Variants in PDK1 observed in about 807,000 individuals in gnomAD.
PDK1 encodes [Pyruvate dehydrogenase (acetyl-transferring)] kinase isozyme 1, mitochondrial.
Under a neutral mutation model 54.2 loss-of-function variants are expected in PDK1, and 39 were observed. That is an observed-to-expected ratio of 0.72 (90% confidence interval 0.56 to 0.94). The LOEUF (loss-of-function observed/expected upper bound fraction) is 0.94. Among genes scored for constraint, PDK1 ranks in the 40% least tolerant of loss-of-function variants. The pLI is 0.00. For synonymous variants in PDK1, 221 were observed against 207.1 expected, an observed-to-expected ratio of 1.07 and a Z score of -0.58; for missense variants, 552 against 566.0, an observed-to-expected ratio of 0.98 and a Z score of 0.25.
upstream of PDK1, chr2:172,555,912 G>A (rs1688284629): frequency 2.8e-6 from 1 of 363,570 alleles, no homozygotes; most frequent in Non-Finnish European, 4.9e-6. Flanking sequence ...GGGAGGCTGG[G>A]CGGGACTCCG....
Position 172,601,737 on chromosome 2 carries a change from AG to A in PDK1, c.*5769del, listed in dbSNP as rs1474777890. 2 of 152,240 alleles carry A rather than the reference AG, an allele frequency of 1.3e-5. No homozygotes were observed. The highest frequency in any genetic ancestry group is 2.4e-5 in the African/African-American group (1 of 41,472). The allele number at this position is 152,240 out of a possible 1,614,324, so 9.4% of individuals were successfully genotyped here. ...TAAAGCCACAGCTGTGGCAGCAACC[AG>A]CTAGTGGGTGTCCCTTGATGGAGGC... On this transcript the variant is annotated 3_prime_UTR_variant, in exon 11 of 11. Transcript: ENST00000282077.
chr2:172,687,076 C>T, the PDK1 span, among the ~76,000 whole-genome samples: 1 of 151,976 alleles, frequency 6.6e-6, no homozygotes, highest in African/African-American at 2.4e-5. Flanking sequence ...TGTTTTGAAA[C>T]AATAATACCC....
Position 172,586,585 on chromosome 2 carries a change from CAG to C in PDK1, c.1056+201_1056+202del, listed in dbSNP as rs558553835. Among the ~76,000 whole-genome samples the C allele has an allele frequency of 2.5e-4, 38 of 151,866 alleles. 1 individual carries two copies. The East Asian group carries it at 6.6e-3, about 26-fold the overall frequency. On this transcript the variant is annotated intron_variant, in intron 9 of 10. Coordinates refer to ENST00000282077, the MANE Select transcript of PDK1 (RefSeq NM_002610.5). ...TTTTCCAACTGAAATGGGCACGAGACAGAGATTTGGAGTTCTTGTTACAAAGT... is the reference window on the plus strand; with the variant it reads ...TTTTCCAACTGAAATGGGCACGAGACAGATTTGGAGTTCTTGTTACAAAGT...
chr2:172,621,216 G>T, the PDK1 span, among the ~76,000 whole-genome samples: 1 of 152,200 alleles, frequency 6.6e-6, no homozygotes, highest in Admixed American at 6.5e-5. Context: ...CTGTGAGAGG[G>T]TGTTGCCAAA....
At chr2:172,612,519 A>C (rs10427189), downstream of PDK1, among the ~76,000 whole-genome samples, 27,051 of 148,336 alleles carry the variant, frequency 0.18, 2,898 homozygotes, top group African/African-American at 0.31. Context: ...TTTCTCAAAC[A>C]CATGGTCGAA....
chr2:172,575,647 C>T (rs911520042), intron 8 of PDK1, among the ~76,000 whole-genome samples: 3 of 151,522 alleles, frequency 2.0e-5, no homozygotes, highest in Non-Finnish European at 2.9e-5. Flanking sequence ...CATGGCAAAA[C>T]TCCATCTCTA....
At chr2:172,720,977 C>T in the PDK1 span, among the ~76,000 whole-genome samples, 3 of 152,166 alleles carry the variant, frequency 2.0e-5, no homozygotes, top group Admixed American at 6.5e-5. Context: ...TCTGTGAAGA[C>T]GATCTTGTAA....
intron 8 of PDK1, among the ~76,000 whole-genome samples, chr2:172,584,843 T>G (rs1239041258): frequency 6.7e-6 from 1 of 149,528 alleles, no homozygotes; most frequent in Admixed American, 6.7e-5. Context: ...TTTTTTTTTT[T>G]TTTTTTTGTA....
chr2:172,631,085 A>G, the PDK1 span, among the ~76,000 whole-genome samples: 15 of 152,172 alleles, frequency 9.9e-5, no homozygotes, highest in Admixed American at 9.2e-4. Flanking sequence ...ACAAAGTTTC[A>G]GCTTTATTTT....
At chr2:172,651,274 A>G in the PDK1 span, among the ~76,000 whole-genome samples, 1 of 152,246 alleles carries the variant, frequency 6.6e-6, no homozygotes, top group African/African-American at 2.4e-5. Context: ...CTTTGAAACC[A>G]ATGAGAACAA....
downstream of PDK1, among the ~76,000 whole-genome samples, chr2:172,613,462 C>CT (rs539980301): frequency 3.0e-4 from 44 of 148,712 alleles, no homozygotes; most frequent in Middle Eastern, 7.0e-3. Context: ...CTGCTAATTC[C>CT]TTTTTTTTTT....
chr2:172,689,744 T>TTATAGAATCATTACAGA, the PDK1 span, among the ~76,000 whole-genome samples: 8 of 151,106 alleles, frequency 5.3e-5, no homozygotes, highest in South Asian at 2.1e-4. Context: ...AAACAAGAAA[T>TTATAGAATCATTACAGA]GGGCAAAAGA....
At chr2:172,633,947 C>T in the PDK1 span, among the ~76,000 whole-genome samples, 2 of 146,230 alleles carry the variant, frequency 1.4e-5, no homozygotes, top group African/African-American at 5.0e-5. Flanking sequence ...ACGATCTCGC[C>T]TCACTGCAAA....
chr2:172,644,620 A>C, the PDK1 span, among the ~76,000 whole-genome samples: 228 of 152,352 alleles, frequency 1.5e-3, 2 homozygotes, highest in African/African-American at 5.2e-3. Context: ...TTTAAAGTGA[A>C]AAGCAAACTC....
intron 8 of PDK1, among the ~76,000 whole-genome samples, chr2:172,575,063 T>G (rs1689503039): frequency 6.6e-6 from 1 of 152,226 alleles, no homozygotes; most frequent in Non-Finnish European, 1.5e-5. Flanking sequence ...TTGAGTGTTT[T>G]TATCATGAAA....
chr2:172,619,130 C>T, the PDK1 span, among the ~76,000 whole-genome samples: 1 of 152,182 alleles, frequency 6.6e-6, no homozygotes, highest in Non-Finnish European at 1.5e-5. Flanking sequence ...CTCAGGCTTA[C>T]AGGAAATCAT....
intron 9 of PDK1, among the ~76,000 whole-genome samples, chr2:172,591,961 A>C (rs1690612620): frequency 6.6e-6 from 1 of 152,174 alleles, no homozygotes; most frequent in African/African-American, 2.4e-5. Context: ...TAGTTTCCTT[A>C]TTACTTACTG....
chr2:172,569,966 T>C (rs1462297247), intron 7 of PDK1, among the ~76,000 whole-genome samples: 22 of 152,206 alleles, frequency 1.4e-4, no homozygotes, highest in Admixed American at 1.4e-3. Flanking sequence ...CCGTATTATA[T>C]TGTACATAAT....
chr2:172,653,215 T>G, the PDK1 span, among the ~76,000 whole-genome samples: 19 of 152,204 alleles, frequency 1.2e-4, no homozygotes, highest in African/African-American at 4.6e-4. Context: ...AAACAAGGAA[T>G]AGGGAAAGGA....
Sources: allele counts gnomAD v4.1 joint callset (sites outside exome capture counted in the v4.1 genomes callset), GRCh38; gene constraint gnomAD v4.1.1; transcripts MANE v1.5; gene names NCBI Gene and HGNC (gene_info 2026-07-23, HGNC 2026-07-21).